NOX4: variants seen among roughly 807,000 people sequenced by gnomAD.
NOX4 encodes NADPH oxidase 4, also known as kidney oxidase-1.
Under a neutral mutation model 87.6 loss-of-function variants are expected in NOX4, and 69 were observed. That is an observed-to-expected ratio of 0.79 (90% CI 0.65 to 0.96). The LOEUF is 0.96. NOX4 is among the 40% of genes least tolerant of loss of function. The pLI, the probability that NOX4 is intolerant of heterozygous loss-of-function variation, is 0.00. For synonymous variants in NOX4, 275 were observed against 238.2 expected (o/e 1.15, Z -1.42); for missense variants, 680 against 681.5 (o/e 1.00, Z 0.02).
chr11:89,586,125 C>A, the NOX4 span, among the ~76,000 whole-genome samples: 1 of 151,854 alleles, frequency 6.6e-6, no homozygotes, highest in East Asian at 1.9e-4. Flanking sequence ...CTCACTACAA[C>A]CTCCTTTTAT....
chr11:89,565,735 AAAG>A, the NOX4 span, among the ~76,000 whole-genome samples: 1 of 152,092 alleles, frequency 6.6e-6, no homozygotes, highest in Non-Finnish European at 1.5e-5. Flanking sequence ...ATAAAAAAAA[AAAG>A]AAAAATTTCA....
At chr11:89,415,816 A>G (rs906075374) in intron 8 of NOX4, among the ~76,000 whole-genome samples, 2 of 152,102 alleles carry the variant, frequency 1.3e-5, no homozygotes, top group African/African-American at 2.4e-5. Flanking sequence ...CAGGTCATCT[A>G]TATCAGTGAC....
chr11:89,579,397 T>C, the NOX4 span, among the ~76,000 whole-genome samples: 2 of 152,044 alleles, frequency 1.3e-5, no homozygotes, highest in Non-Finnish European at 2.9e-5. Context: ...AGGTTATGCA[T>C]GTGTGGGGAC....
rs150624023 is a variant in NOX4 at position 89,459,812 on chromosome 11, T to G, written c.154-7917A>C. On this transcript the variant is annotated intron_variant, in intron 2 of 17. Coordinates refer to ENST00000263317, the MANE Select transcript of NOX4 (RefSeq NM_016931.5). Reference sequence around the variant, plus strand: ...TTCACAGAATTGGAAAAAAACTACTTTAAAGTTCATATGGAACCAAAAAAG... The same window carrying G: ...TTCACAGAATTGGAAAAAAACTACTGTAAAGTTCATATGGAACCAAAAAAG... Among the ~76,000 whole-genome samples the G allele has an allele frequency of 4.0e-3, 603 of 152,228 alleles. 9 individuals carry two copies. The highest frequency in any genetic ancestry group is 0.038 in the East Asian group (194 of 5,170).
At chr11:89,530,455 G>C in the NOX4 span, among the ~76,000 whole-genome samples, 2 of 147,134 alleles carry the variant, frequency 1.4e-5, no homozygotes, top group African/African-American at 2.5e-5. Flanking sequence ...TGATTCTCCT[G>C]CCTCAGCCTC....
intron 16 of NOX4, 147 bp downstream of exon 16, chr11:89,337,300 A>G (rs2135376834): frequency 3.2e-6 from 4 of 1,256,064 alleles, no homozygotes; most frequent in East Asian, 5.2e-5. Flanking sequence ...AGGACAAGCT[A>G]TGACTTTCCT....
intron 2 of NOX4, among the ~76,000 whole-genome samples, chr11:89,454,681 T>A (rs965761790): frequency 1.2e-4 from 18 of 152,008 alleles, no homozygotes; most frequent in African/African-American, 4.1e-4. Flanking sequence ...TGGGCATAAA[T>A]AAAAAGCAAA....
intron 2 of NOX4, among the ~76,000 whole-genome samples, chr11:89,457,979 T>C (rs956926171): frequency 6.6e-6 from 1 of 152,196 alleles, no homozygotes; most frequent in Non-Finnish European, 1.5e-5. Flanking sequence ...ATGGCCATAC[T>C]GGCCAAAGCA....
At chr11:89,548,681 C>T in the NOX4 span, 2,292 of 152,246 alleles carry the variant, frequency 0.015, 53 homozygotes, top group African/African-American at 0.048. Flanking sequence ...CTCAATTCTC[C>T]TTGCTTTCAC....
chr11:89,439,045 A>G (rs1455862165), intron 6 of NOX4, among the ~76,000 whole-genome samples: 1 of 130,550 alleles, frequency 7.7e-6, no homozygotes, highest in South Asian at 2.2e-4. Context: ...TAGTAACAAT[A>G]CTAATAATAA....
intron 2 of NOX4, among the ~76,000 whole-genome samples, chr11:89,464,257 C>G (rs1945586125): frequency 1.3e-5 from 2 of 152,044 alleles, no homozygotes; most frequent in African/African-American, 2.4e-5. Context: ...ATTTTAACAT[C>G]AACTTCTTTA....
chr11:89,516,425 A>G, the NOX4 span, among the ~76,000 whole-genome samples: 2 of 152,068 alleles, frequency 1.3e-5, no homozygotes, highest in African/African-American at 4.8e-5. Flanking sequence ...CAGACTAACT[A>G]TGGTTTCCTG....
chr11:89,374,337 C>T (rs1478497997), intron 11 of NOX4, among the ~76,000 whole-genome samples: 1 of 152,090 alleles, frequency 6.6e-6, no homozygotes, highest in Admixed American at 6.6e-5. Context: ...GTTTGAGATG[C>T]TGACTAACAT....
At position 89,438,853 on chromosome 11, in the gene NOX4, A is replaced by C. The variant is rs1233393284; in HGVS notation, c.475+1835T>G. Among the ~76,000 whole-genome samples, 12 of 47,452 alleles carry C rather than the reference A, an allele frequency of 2.5e-4. 1 individual carries two copies. The East Asian group carries it at 7.2e-3, about 29-fold the overall frequency. The allele number at this position is 47,452 out of a possible 152,430, so 31.1% of individuals were successfully genotyped here. ...TCTTATATATTATATATATTATATA[A>C]TATATTATATATTATATATATAATA... On this transcript the variant is annotated intron_variant, in intron 6 of 17. Coordinates refer to ENST00000263317, the MANE Select transcript of NOX4 (RefSeq NM_016931.5).
At chr11:89,396,044 G>T (rs1401903848) in intron 11 of NOX4, among the ~76,000 whole-genome samples, 9 of 152,172 alleles carry the variant, frequency 5.9e-5, no homozygotes, top group Non-Finnish European at 8.8e-5. Flanking sequence ...TGTGAAGAAA[G>T]TCATAGGTAG....
chr11:89,517,342 G>T, the NOX4 span, among the ~76,000 whole-genome samples: 26 of 152,072 alleles, frequency 1.7e-4, no homozygotes, highest in Non-Finnish European at 2.9e-4. Context: ...TTATTTGGTT[G>T]ACCGCTCATC....
intron 4 of NOX4, among the ~76,000 whole-genome samples, chr11:89,444,534 C>G (rs1035548491): frequency 9.3e-5 from 14 of 151,338 alleles, no homozygotes; most frequent in African/African-American, 3.4e-4. Flanking sequence ...TACACACACA[C>G]ACACACACAC....
At chr11:89,537,299 T>C in the NOX4 span, among the ~76,000 whole-genome samples, 6 of 152,122 alleles carry the variant, frequency 3.9e-5, no homozygotes, top group African/African-American at 1.4e-4. Flanking sequence ...GATTTTTTCA[T>C]ATTGGTCATT....
chr11:89,449,144 G>A (rs1591284647), intron 4 of NOX4, among the ~76,000 whole-genome samples: 1 of 152,158 alleles, frequency 6.6e-6, no homozygotes, highest in Non-Finnish European at 1.5e-5. Context: ...TATTTAATAA[G>A]AAAATCCTAA....
Sources: allele counts gnomAD v4.1 joint callset (sites outside exome capture counted in the v4.1 genomes callset), GRCh38; gene constraint gnomAD v4.1.1; transcripts MANE v1.5; gene names NCBI Gene and HGNC (gene_info 2026-07-23, HGNC 2026-07-21).